DYNC2H1: variants seen among roughly 807,000 people sequenced by gnomAD.
DYNC2H1 encodes the protein cytoplasmic dynein 2 heavy chain 1.
In DYNC2H1, 410 loss-of-function variants were observed where a neutral mutation model predicts 570.0. The observed-to-expected ratio is 0.72, with a 90% CI of 0.66 to 0.78. The LOEUF (loss-of-function observed/expected upper bound fraction) is 0.78. Among genes scored for constraint, DYNC2H1 ranks in the 30% least tolerant of loss-of-function variants. DYNC2H1 has a pLI of 0.00. For synonymous variants in DYNC2H1, 1,688 were observed against 1,677.6 expected (o/e 1.01, Z -0.15); for missense variants, 4,865 against 5,046.4 (o/e 0.96, Z 1.09).
rs12420501 is a variant in DYNC2H1, at chr11:103,478,850, A to T, written c.12766-245A>T. On this transcript the variant is annotated intron_variant, in intron 88 of 88. Transcript: ENST00000375735. ...TAGAGATATATATGTAAATATTTAT[A>T]GGTGAAATTTTGTAATTGTAAGGTG... Among the ~76,000 whole-genome samples, 24,843 of 151,994 alleles carry T rather than the reference A, an allele frequency of 0.16. 2,200 individuals are homozygous for T. Among genetic ancestry groups the T allele is most frequent in the Admixed American group, 0.25 (3,756 of 15,280 alleles).
At chr11:103,477,015 C>G (rs1477257445) in intron 88 of DYNC2H1, among the ~76,000 whole-genome samples, 1 of 152,146 alleles carries the variant, frequency 6.6e-6, no homozygotes, top group Non-Finnish European at 1.5e-5. Flanking sequence ...ATCTGGAGCT[C>G]TTTAATATGA....
chr11:103,275,709 A>T lies in DYNC2H1; in HGVS notation c.10696-4639A>T, dbSNP rs1168462651. 2.0e-5 allele frequency among the ~76,000 whole-genome samples: 3 copies of T among 151,774 alleles called. No individual in the cohort carries two copies. Among genetic ancestry groups the T allele is most frequent in the African/African-American group, 7.3e-5 (3 of 41,276 alleles). On this transcript the variant is annotated intron_variant, in intron 70 of 88. Transcript: ENST00000375735. This position sits in a 1 kb window ranked among gnomAD's most constrained non-coding sequence, Gnocchi z 4.8. ...ATGGTGTAATATCTCATTTCTTTTT[A>T]ATGTTGATTAAAATTCCTTTATCTG...
intron 75 of DYNC2H1, among the ~76,000 whole-genome samples, chr11:103,292,659 C>T (rs1246198454): frequency 6.6e-6 from 1 of 152,206 alleles, no homozygotes; most frequent in Non-Finnish European, 1.5e-5. Flanking sequence ...TGGTGCTGTC[C>T]TCACAATAGT....
intron 22 of DYNC2H1, 104 bp from the exon 23 acceptor site, chr11:103,154,346 TG>T (rs1860708235): frequency 1.6e-5 from 15 of 913,186 alleles, no homozygotes; most frequent in Admixed American, 3.7e-5. Flanking sequence ...TACACAAGTG[TG>T]TGTGTACACA....
chr11:103,174,220 G>C, intron 36 of DYNC2H1, 50 bp downstream of exon 36: 2 of 1,425,572 alleles, frequency 1.4e-6, no homozygotes, highest in Non-Finnish European at 1.9e-6. Context: ...AAACATAAGC[G>C]TTAATTTAGA....
At chr11:103,416,651 AG>A (rs1236447266) in intron 84 of DYNC2H1, among the ~76,000 whole-genome samples, 3 of 152,226 alleles carry the variant, frequency 2.0e-5, no homozygotes, top group Admixed American at 6.5e-5. Context: ...CTTATACAAA[AG>A]TTAACTCAAT....
In DYNC2H1 at chr11:103,465,475, G is replaced by A. The variant is rs555929424; in HGVS notation, c.12649-3114G>A. ...TGTTTTGTTTTTTTTTTTAATCTGT[G>A]GCACATGAGTTTGAGTTAGCATTTG... On this transcript the variant is annotated intron_variant, in intron 87 of 88. Coordinates refer to ENST00000375735, the MANE Select transcript of DYNC2H1 (RefSeq NM_001377.3). This position sits in a 1 kb window ranked among gnomAD's most constrained non-coding sequence, Gnocchi z 4.9. Among the ~76,000 whole-genome samples, 1 of 150,990 alleles carries A rather than the reference G, an allele frequency of 6.6e-6. No homozygotes were observed. The highest frequency in any genetic ancestry group is 1.9e-4 in the East Asian group (1 of 5,136).
Position 103,321,076 on chromosome 11 carries a change from G to A in DYNC2H1, c.11773G>A (p.Ala3925Thr). The A allele has an allele frequency of 6.2e-7, 1 of 1,612,706 alleles. No homozygotes were observed. ...WEFVHGLLEN[A>T]IYGGRIDNYF... Reference sequence around the variant, plus strand: ...ATTTGTACATGGTTTACTTGAAAATGCTATTTATGGAGGACGTATAGACAA... The same window carrying A: ...ATTTGTACATGGTTTACTTGAAAATACTATTTATGGAGGACGTATAGACAA... The change falls in exon 81 of 89, where the codon GCT becomes ACT. Residue 3925 changes from alanine (A) to threonine (T), a missense_variant. Transcript: ENST00000375735.
intron 66 of DYNC2H1, 94 bp from the exon 67 acceptor site, chr11:103,255,320 TA>T: frequency 7.6e-7 from 1 of 1,320,990 alleles, no homozygotes; most frequent in Non-Finnish European, 1.0e-6. Flanking sequence ...ATCATATTTG[TA>T]ATAGTCTGTC....
intron 10 of DYNC2H1, 23 bp from the exon 11 acceptor site, chr11:103,122,802 T>A: frequency 6.3e-7 from 1 of 1,599,024 alleles, no homozygotes; most frequent in South Asian, 1.1e-5. Context: ...ATAATGCACA[T>A]GTCTGTAATT....
chr11:103,243,643 G>T lies in DYNC2H1; in HGVS notation c.9820-50G>T. The T allele has an allele frequency of 7.7e-7, 1 of 1,306,276 alleles. No homozygotes were observed. The highest frequency in any genetic ancestry group is 1.1e-6 in the Non-Finnish European group (1 of 947,276). The allele number at this position is 1,306,276 out of a possible 1,614,324, so 80.9% of individuals were successfully genotyped here. On this transcript the variant is annotated intron_variant, in intron 63 of 88. Transcript: ENST00000375735. This position sits in a 1 kb window ranked among gnomAD's most constrained non-coding sequence, Gnocchi z 4.8. ...TCTAGAAAACTATTTCCATTTAAAT[G>T]AAAGCTTATAATCATTAAAAAACAT...
At chr11:103,304,869 T>A in intron 77 of DYNC2H1, 149 bp downstream of exon 77, 2 of 945,252 alleles carry the variant, frequency 2.1e-6, no homozygotes, top group Non-Finnish European at 2.8e-6. Context: ...CATAAATATG[T>A]ACAATTCTGC....
At chr11:103,451,173 G>A (rs1944585241) in intron 85 of DYNC2H1, among the ~76,000 whole-genome samples, 1 of 152,020 alleles carries the variant, frequency 6.6e-6, no homozygotes, top group South Asian at 2.1e-4. Flanking sequence ...CAGAATAGCA[G>A]GAGAAATGTA....
At chr11:103,358,811 A>G (rs1214760701) in intron 83 of DYNC2H1, among the ~76,000 whole-genome samples, 1 of 152,168 alleles carries the variant, frequency 6.6e-6, no homozygotes, top group Non-Finnish European at 1.5e-5. Flanking sequence ...ATATGTATAT[A>G]TATTATTATG....
chr11:103,453,880 G>A (rs1944697019), intron 85 of DYNC2H1, among the ~76,000 whole-genome samples: 1 of 151,666 alleles, frequency 6.6e-6, no homozygotes, highest in East Asian at 1.9e-4. Context: ...TTATTTGATA[G>A]GGAATAAATA....
intron 61 of DYNC2H1, among the ~76,000 whole-genome samples, chr11:103,234,381 G>A (rs140260933): frequency 2.9e-3 from 445 of 151,970 alleles, no homozygotes; most frequent in African/African-American, 9.9e-3. Flanking sequence ...TTTCAGTTCC[G>A]TATGTTATGA....
chr11:103,438,762 G>T (rs1944150781), intron 85 of DYNC2H1, among the ~76,000 whole-genome samples: 1 of 152,118 alleles, frequency 6.6e-6, no homozygotes, highest in African/African-American at 2.4e-5. Flanking sequence ...CCTGTGTGAA[G>T]TACTGGAGAT....
At chr11:103,176,858 AC>A (rs1471376299) in intron 37 of DYNC2H1, among the ~76,000 whole-genome samples, 3 of 151,952 alleles carry the variant, frequency 2.0e-5, no homozygotes, top group Non-Finnish European at 2.9e-5. Flanking sequence ...GGTGCACACC[AC>A]CACACCTGGC....
intron 75 of DYNC2H1, among the ~76,000 whole-genome samples, chr11:103,301,159 T>G (rs1388619123): frequency 6.6e-6 from 1 of 151,950 alleles, no homozygotes; most frequent in African/African-American, 2.4e-5. Context: ...CTGTAAATTA[T>G]CTTTTACCTC....
Sources: allele counts gnomAD v4.1 joint callset (sites outside exome capture counted in the v4.1 genomes callset), GRCh38; gene constraint gnomAD v4.1.1; non-coding constraint Gnocchi (gnomAD v3.1); transcripts MANE v1.5; gene names NCBI Gene and HGNC (gene_info 2026-07-23, HGNC 2026-07-21).